PALLD: variants seen among roughly 807,000 people sequenced by gnomAD.
PALLD encodes the protein palladin, cytoskeletal associated protein.
A neutral mutation model predicts 123.5 loss-of-function variants in PALLD; 61 were observed. The ratio of observed to expected loss-of-function variants is 0.49; its 90% CI spans 0.40 to 0.61. PALLD has a LOEUF of 0.61. Among genes scored for constraint, PALLD ranks in the 20% least tolerant of loss-of-function variants. PALLD has a pLI of 0.00. For synonymous variants in PALLD, 465 were observed against 496.4 expected (o/e 0.94, Z 0.84); for missense variants, 1,273 against 1,377.0 (o/e 0.92, Z 1.20).
At chr4:168,913,407 C>G (rs5005965) in intron 15 of PALLD, among the ~76,000 whole-genome samples, 128,232 of 152,078 alleles carry the variant, frequency 0.84, 54,243 homozygotes, top group East Asian at 1. Flanking sequence ...AAAGTGCTGG[C>G]ATTACAGGCA....
intron 2 of PALLD, among the ~76,000 whole-genome samples, chr4:168,556,245 A>G (rs369798270): frequency 3.3e-5 from 5 of 151,964 alleles, no homozygotes; most frequent in South Asian, 2.1e-4. Flanking sequence ...ACAGGTGCCC[A>G]CCACCACGCC....
At chr4:168,861,943 A>G (rs556133205) in intron 10 of PALLD, among the ~76,000 whole-genome samples, 1 of 152,244 alleles carries the variant, frequency 6.6e-6, no homozygotes, top group Non-Finnish European at 1.5e-5. Context: ...GGCATGAGCC[A>G]CCATCCCTGG....
At chr4:168,698,392 A>G (rs998981238) in intron 8 of PALLD, among the ~76,000 whole-genome samples, 6 of 151,930 alleles carry the variant, frequency 3.9e-5, no homozygotes, top group African/African-American at 1.4e-4. Context: ...ATTGGATTGA[A>G]TAACTAAAAG....
At chr4:168,839,280 T>C (rs1053450217) in intron 10 of PALLD, among the ~76,000 whole-genome samples, 4 of 152,112 alleles carry the variant, frequency 2.6e-5, no homozygotes, top group Admixed American at 6.5e-5. Flanking sequence ...TACTCTTTTG[T>C]AGTATTCTCT....
Position 168,708,500 on chromosome 4 carries a change from C to T in PALLD, c.1502-528C>T, listed in dbSNP as rs143112038. ...AGTCTGGGCTTTTCATGCCCTACAACACTGCCATGCCACTTAACAGTACCT... is the reference window on the plus strand; with the variant it reads ...AGTCTGGGCTTTTCATGCCCTACAATACTGCCATGCCACTTAACAGTACCT... On this transcript the variant is annotated intron_variant, in intron 8 of 21. Coordinates refer to ENST00000505667, the MANE Select transcript of PALLD (RefSeq NM_001166108.2). Among the ~76,000 whole-genome samples the T allele has an allele frequency of 1.1e-4, 17 of 152,346 alleles. No individual in the cohort carries two copies. In the East Asian group the frequency reaches 2.1e-3, roughly 19 times the overall value.
intron 10 of PALLD, among the ~76,000 whole-genome samples, chr4:168,836,294 T>C (rs1054099236): frequency 8.5e-5 from 13 of 152,204 alleles, no homozygotes; most frequent in African/African-American, 2.9e-4. Flanking sequence ...GCAGAGACTG[T>C]TGGAAGGCGT....
In PALLD at chr4:168,782,058, CTCT is replaced by C. The variant is rs567148577; in HGVS notation, c.1964+70140_1964+70142del. 2.1e-3 allele frequency among the ~76,000 whole-genome samples: 322 copies of C among 152,306 alleles called. 3 individuals carry two copies. Among genetic ancestry groups the C allele is most frequent in the African/African-American group, 7.3e-3 (302 of 41,566 alleles). ...GATTATCTGATGTTACTAGCCATGT[CTCT>C]TCTTGCCTCCACTGGCATGGAAAAT... On this transcript the variant is annotated intron_variant, in intron 10 of 21. Transcript: ENST00000505667.
chr4:168,576,239 CT>C, intron 2 of PALLD, among the ~76,000 whole-genome samples: 1 of 150,076 alleles, frequency 6.7e-6, no homozygotes, highest in Admixed American at 6.6e-5. Flanking sequence ...CTTTTTTTTT[CT>C]TTTTTTATTA....
intron 2 of PALLD, among the ~76,000 whole-genome samples, chr4:168,580,716 A>G (rs1770172112): frequency 6.6e-6 from 1 of 152,136 alleles, no homozygotes; most frequent in Admixed American, 6.6e-5. Flanking sequence ...AAAACATGGA[A>G]TCAACCTAAA....
chr4:168,836,395 C>A (rs72973291), intron 10 of PALLD, among the ~76,000 whole-genome samples: 1 of 152,086 alleles, frequency 6.6e-6, no homozygotes, highest in Non-Finnish European at 1.5e-5. Context: ...GAGCAATAAC[C>A]GTTTTCTGGT....
chr4:168,653,029 C>G (rs1778206102), intron 2 of PALLD, among the ~76,000 whole-genome samples: 1 of 152,172 alleles, frequency 6.6e-6, no homozygotes, highest in Non-Finnish European at 1.5e-5. Flanking sequence ...TCATCGTAGT[C>G]CCTCAAGGAA....
At chr4:168,849,624 T>G (rs1747440208) in intron 10 of PALLD, among the ~76,000 whole-genome samples, 1 of 152,228 alleles carries the variant, frequency 6.6e-6, no homozygotes, top group African/African-American at 2.4e-5. Flanking sequence ...CGTTTTATCA[T>G]TATTGATGGA....
chr4:168,756,568 T>C (rs79024125), intron 10 of PALLD, among the ~76,000 whole-genome samples: 2,813 of 152,234 alleles, frequency 0.018, 88 homozygotes, highest in East Asian at 0.17. Flanking sequence ...AGAGAAGGAT[T>C]GAGGCTAACT....
rs545219268 is a variant in PALLD at position 168,882,347 on chromosome 4, C to T, written c.1965-8575C>T. Among the ~76,000 whole-genome samples, 5 of 152,250 alleles carry T rather than the reference C, an allele frequency of 3.3e-5. No individual in the cohort carries two copies. In the South Asian group the frequency reaches 1.0e-3, roughly 32 times the overall value. ...AGCATAGCGTGACTTAGGTTCATCT[C>T]AAATAACTCTAATGTCTAACATTTC... is the stretch of plus-strand genomic sequence containing the variant. On this transcript the variant is annotated intron_variant, in intron 10 of 21. Transcript: ENST00000505667.
At chr4:168,733,692 GA>G (rs1787398980) in intron 10 of PALLD, among the ~76,000 whole-genome samples, 1 of 152,114 alleles carries the variant, frequency 6.6e-6, no homozygotes, top group South Asian at 2.1e-4. Flanking sequence ...TTAGCCTCCT[GA>G]AGGGCTGGGA....
Position 168,690,697 on chromosome 4 carries a change from A to G in PALLD, c.1430A>G (p.Gln477Arg), listed in dbSNP as rs776430607. 1.2e-6 allele frequency: 2 copies of G among 1,614,214 alleles called. No individual in the cohort carries two copies. Among genetic ancestry groups the G allele is most frequent in the Non-Finnish European group, 1.7e-6 (2 of 1,180,034 alleles). ...APPLQVQWFR[Q>R]GSEIQDSPDF... ...CCTCTGCAGGTCCAGTGGTTTCGGC[A>G]AGGGAGTGAAATCCAAGACTCTCCA... is the stretch of plus-strand genomic sequence containing the variant. The change falls in exon 7 of 22, where the codon CAA becomes CGA. Residue 477 changes from glutamine (Q) to arginine (R), a missense_variant. Physicochemically the swap from Gln to Arg is conservative, Grantham distance 43. This residue lies in a region of PALLD where 944 missense variants were observed against 954.5 expected (regional missense o/e 0.99). Transcript: ENST00000505667.
At chr4:168,834,839 T>C (rs1400093188) in intron 10 of PALLD, among the ~76,000 whole-genome samples, 1 of 152,246 alleles carries the variant, frequency 6.6e-6, no homozygotes, top group Non-Finnish European at 1.5e-5. Context: ...TGAACTATAT[T>C]ATTTGGACTA....
At position 168,771,110 on chromosome 4, in the gene PALLD, G is replaced by A. The variant is rs1734377003; in HGVS notation, c.1964+59187G>A. Reference sequence around the variant, plus strand: ...AACCTTAGTTTCTGAAACCCATAATGCAAATACATGTTCCTCCAAAGGTCT... The same window carrying A: ...AACCTTAGTTTCTGAAACCCATAATACAAATACATGTTCCTCCAAAGGTCT... On this transcript the variant is annotated intron_variant, in intron 10 of 21. Transcript: ENST00000505667. Among the ~76,000 whole-genome samples the A allele has an allele frequency of 1.3e-5, 2 of 150,860 alleles. 1 individual carries two copies. The highest frequency in any genetic ancestry group is 4.2e-4 in the South Asian group (2 of 4,786).
At chr4:168,920,479 A>AT (rs1478081861) in intron 17 of PALLD, among the ~76,000 whole-genome samples, 1 of 152,186 alleles carries the variant, frequency 6.6e-6, no homozygotes, top group Non-Finnish European at 1.5e-5. Context: ...ATCTTTTTGT[A>AT]TATAACTTCG....
Sources: gnomAD v4.1 joint callset for allele counts (sites outside exome capture counted in the v4.1 genomes callset) on GRCh38, gnomAD v4.1.1 for gene constraint, gnomAD v4.1.1 regional missense constraint, MANE v1.5 for transcripts, NCBI Gene and HGNC (gene_info 2026-07-23, HGNC 2026-07-21) for gene names.